HMGA2: variants seen among roughly 807,000 people sequenced by gnomAD.
HMGA2 encodes high mobility group AT-hook 2.
Under a neutral mutation model 19.1 loss-of-function variants are expected in HMGA2, and 8 were observed. The ratio of observed to expected loss-of-function variants is 0.42; its 90% CI spans 0.25 to 0.76. The LOEUF is 0.76. Among genes scored for constraint, HMGA2 ranks in the 30% least tolerant of loss-of-function variants. The pLI is 0.28. For missense variants in HMGA2, 109 were observed against 136.3 expected (o/e 0.80, Z 1.00); for synonymous variants, 60 against 48.8 (o/e 1.23, Z -0.96).
chr12:65,908,339 T>C (rs1001725754), intron 3 of HMGA2, among the ~76,000 whole-genome samples: 4 of 152,170 alleles, frequency 2.6e-5, no homozygotes, highest in African/African-American at 7.2e-5. Context: ...CACACACATA[T>C]TGTAGTTCTA....
Position 65,825,372 on chromosome 12 carries a change from G to A in HMGA2, c.102G>A (p.Lys34=). 6.5e-7 allele frequency: 1 copy of A among 1,531,048 alleles called. No homozygotes were observed. Among genetic ancestry groups the A allele is most frequent in the South Asian group, 1.2e-5 (1 of 82,532 alleles). 94.8% of individuals were successfully genotyped at this position (1,531,048 alleles called of 1,614,324 possible). Residue 34 remains lysine (K), a synonymous_variant, in exon 1 of 5, where the codon AAG becomes AAA. Transcript: ENST00000403681. The surrounding 1 kb of genome is among the most constrained non-coding windows in gnomAD (Gnocchi z 4.4). ...AGAGAGGACGCGGCCGCCCCAGGAA[G>A]CAGCAGCAAGTCAGTACGAGGGCGC... ...PQKRGRGRPR[K]QQQEPTGEPS... is the part of the protein sequence containing the mutation.
At chr12:65,897,811 TTGAC>T (rs1874192022) in intron 3 of HMGA2, among the ~76,000 whole-genome samples, 1 of 151,958 alleles carries the variant, frequency 6.6e-6, no homozygotes, top group African/African-American at 2.4e-5. Flanking sequence ...ATTACAAAAA[TTGAC>T]TGGGCATGGT....
At chr12:65,860,293 G>C (rs954581143) in intron 3 of HMGA2, among the ~76,000 whole-genome samples, 1 of 152,186 alleles carries the variant, frequency 6.6e-6, no homozygotes, top group Non-Finnish European at 1.5e-5. Context: ...TTATAAGAAA[G>C]TGTTGAATAT....
chr12:65,838,903 G>A (rs1870858612), intron 3 of HMGA2, among the ~76,000 whole-genome samples: 1 of 152,072 alleles, frequency 6.6e-6, no homozygotes, highest in Middle Eastern at 3.4e-3. Context: ...TGAAGCCTTG[G>A]AAGTTGATTA....
chr12:65,903,107 A>G (rs2121182401), intron 3 of HMGA2, among the ~76,000 whole-genome samples: 1 of 152,318 alleles, frequency 6.6e-6, no homozygotes, highest in Admixed American at 6.5e-5. Context: ...AACAAGCACC[A>G]GGATATGAGA....
Position 65,824,866 on chromosome 12 carries a change from G to C in HMGA2, c.-405G>C, listed in dbSNP as rs1275873635. Reference sequence around the variant, plus strand: ...TCTCTTCCCTTTCCAAGCCGCTTCCGAAGTGCTCCCGGTGCCCGCAACTCC... The same window carrying C: ...TCTCTTCCCTTTCCAAGCCGCTTCCCAAGTGCTCCCGGTGCCCGCAACTCC... On this transcript the variant is annotated 5_prime_UTR_variant, in exon 1 of 5. Coordinates refer to ENST00000403681, the MANE Select transcript of HMGA2 (RefSeq NM_003483.6). 7.7e-6 allele frequency: 2 copies of C among 259,762 alleles called. No homozygotes were observed. Among genetic ancestry groups the C allele is most frequent in the Non-Finnish European group, 1.5e-5 (2 of 135,782 alleles). 16.1% of individuals were successfully genotyped at this position (259,762 alleles called of 1,614,324 possible). A position where few individuals can be genotyped will look rare whatever the true frequency, so the allele number is the denominator to read the frequency against.
At chr12:65,930,207 C>T (rs1264310546) in intron 3 of HMGA2, among the ~76,000 whole-genome samples, 2 of 152,184 alleles carry the variant, frequency 1.3e-5, no homozygotes, top group Admixed American at 6.5e-5. Flanking sequence ...AATCTATCTT[C>T]AACCTTGTTT....
At chr12:65,897,016 A>G (rs762732546) in intron 3 of HMGA2, among the ~76,000 whole-genome samples, 1 of 152,258 alleles carries the variant, frequency 6.6e-6, no homozygotes, top group Non-Finnish European at 1.5e-5. Context: ...AAAAATGGTT[A>G]GTTGAAACCT....
At chr12:65,936,554 C>T (rs776820193) in intron 3 of HMGA2, among the ~76,000 whole-genome samples, 1 of 152,068 alleles carries the variant, frequency 6.6e-6, no homozygotes, top group South Asian at 2.1e-4. Flanking sequence ...ACAGAGAGAC[C>T]TGTAATCATT....
intron 2 of HMGA2, among the ~76,000 whole-genome samples, chr12:65,834,623 C>A (rs993451363): frequency 6.6e-6 from 1 of 150,450 alleles, no homozygotes; most frequent in Non-Finnish European, 1.5e-5. Flanking sequence ...TTCCTCCCTG[C>A]CTCTCTCTTT....
intron 3 of HMGA2, chr12:65,867,382 C>T (rs1872481472): frequency 2.7e-6 from 1 of 374,708 alleles, no homozygotes; most frequent in Non-Finnish European, 5.4e-6. Flanking sequence ...GGAACTTAAT[C>T]TGTTAGTGGG....
chr12:65,961,738 AGTGT>A (rs66619603), intron 4 of HMGA2, among the ~76,000 whole-genome samples: 4 of 150,252 alleles, frequency 2.7e-5, no homozygotes, highest in Non-Finnish European at 4.5e-5. Flanking sequence ...CCCAGGATAG[AGTGT>A]GTGTGTGTGT....
At chr12:65,838,986 C>CT (rs1236837070) in intron 3 of HMGA2, among the ~76,000 whole-genome samples, 107 of 91,228 alleles carry the variant, frequency 1.2e-3, no homozygotes, top group South Asian at 2.3e-3. Flanking sequence ...CTTTTTCTTT[C>CT]TTTTTCTTTT....
chr12:65,885,393 G>A (rs1166264513), intron 3 of HMGA2, among the ~76,000 whole-genome samples: 4 of 152,050 alleles, frequency 2.6e-5, no homozygotes, highest in Admixed American at 6.6e-5. Context: ...GAAGACACTC[G>A]TCTTCCTGGG....
At chr12:65,903,244 A>G (rs1327209177) in intron 3 of HMGA2, among the ~76,000 whole-genome samples, 1 of 152,214 alleles carries the variant, frequency 6.6e-6, no homozygotes, top group Admixed American at 6.5e-5. Flanking sequence ...GGCTTTGCTG[A>G]TTGAAAAGAC....
intron 3 of HMGA2, among the ~76,000 whole-genome samples, chr12:65,839,198 C>T (rs919839367): frequency 4.6e-5 from 7 of 152,020 alleles, no homozygotes; most frequent in African/African-American, 1.7e-4. Context: ...CCTATAGGCA[C>T]ACAGATCCTG....
chr12:65,862,092 G>A (rs943819429), intron 3 of HMGA2, among the ~76,000 whole-genome samples: 13 of 152,112 alleles, frequency 8.5e-5, no homozygotes, highest in East Asian at 3.9e-4. Flanking sequence ...TGATCCACCC[G>A]CCTCGGCCTC....
chr12:65,959,456 C>T (rs1416280199), intron 4 of HMGA2, among the ~76,000 whole-genome samples: 1 of 152,188 alleles, frequency 6.6e-6, no homozygotes, highest in East Asian at 1.9e-4. Flanking sequence ...CTGTTCCCCA[C>T]TCATCAGTTT....
rs183053814 is a variant in HMGA2, at chr12:65,908,964, G to T, written c.250-42419G>T. 2.3e-4 allele frequency among the ~76,000 whole-genome samples: 35 copies of T among 152,226 alleles called. 1 individual carries two copies. The highest frequency in any genetic ancestry group is 8.4e-4 in the African/African-American group (35 of 41,548). On this transcript the variant is annotated intron_variant, in intron 3 of 4. Transcript: ENST00000403681. ...AAAAGGCTTACTTCTGAACACATCCGCTGGCAGAAGATTTGTTTTGCTTTC... is the reference window on the plus strand; with the variant it reads ...AAAAGGCTTACTTCTGAACACATCCTCTGGCAGAAGATTTGTTTTGCTTTC...
Sources: gnomAD v4.1 joint callset for allele counts (sites outside exome capture counted in the v4.1 genomes callset) on GRCh38, gnomAD v4.1.1 for gene constraint, Gnocchi (gnomAD v3.1) non-coding constraint, MANE v1.5 for transcripts, NCBI Gene and HGNC (gene_info 2026-07-23, HGNC 2026-07-21) for gene names.